Variants in LYPLAL1 observed in about 807,000 individuals in gnomAD.
LYPLAL1 encodes the protein lysophospholipase like 1.
LYPLAL1 carries 23 observed loss-of-function variants against 19.7 expected under a neutral mutation model. That is an observed-to-expected ratio of 1.17 (90% CI 0.84 to 1.65). LYPLAL1 has a LOEUF of 1.65. Among genes scored for constraint, LYPLAL1 ranks in the 40% most tolerant of loss-of-function variants. The pLI, the probability that LYPLAL1 is intolerant of heterozygous loss-of-function variation, is 0.00. For missense variants in LYPLAL1, 355 were observed against 279.4 expected, an observed-to-expected ratio of 1.27 and a Z score of -1.93; for synonymous variants, 119 against 96.3, an observed-to-expected ratio of 1.24 and a Z score of -1.38.
chr1:219,294,845 A>G, the LYPLAL1 span, among the ~76,000 whole-genome samples: 2 of 152,230 alleles, frequency 1.3e-5, no homozygotes, highest in African/African-American at 4.8e-5. Flanking sequence ...TTGAACTGCA[A>G]TGAAGTTGCC....
the LYPLAL1 span, among the ~76,000 whole-genome samples, chr1:219,358,067 T>C: frequency 6.6e-6 from 1 of 152,284 alleles, no homozygotes; most frequent in South Asian, 2.1e-4. Flanking sequence ...TGCGTCATAC[T>C]TTAATGGTGG....
the LYPLAL1 span, among the ~76,000 whole-genome samples, chr1:219,232,311 C>G: frequency 6.6e-6 from 1 of 151,182 alleles, no homozygotes; most frequent in South Asian, 2.1e-4. Context: ...TACATACATA[C>G]ACACAAACAT....
the LYPLAL1 span, among the ~76,000 whole-genome samples, chr1:219,393,439 G>A: frequency 5.3e-5 from 8 of 152,114 alleles, no homozygotes; most frequent in African/African-American, 1.7e-4. Flanking sequence ...CACCCTGGAT[G>A]CCACATAGGC....
chr1:219,421,797 T>C, the LYPLAL1 span, among the ~76,000 whole-genome samples: 3 of 152,174 alleles, frequency 2.0e-5, no homozygotes, highest in South Asian at 6.2e-4. Flanking sequence ...AAGGTAGATT[T>C]AGAGAGTGAC....
chr1:219,211,671 CAT>C lies in LYPLAL1; in HGVS notation c.660_661del (p.Leu221GlufsTer25). On this transcript the variant is annotated frameshift_variant, in exon 5 of 5. Transcript: ENST00000366928. LOFTEE classifies it high-confidence loss of function. ...ATGAGCTAAGCAAAACTGAGTTAGACATATTGAAGTTATGGATTCTTACAAAG... is the reference window on the plus strand; with the variant it reads ...ATGAGCTAAGCAAAACTGAGTTAGACATTGAAGTTATGGATTCTTACAAAG... Reference protein sequence around the residue: ...YHELSKTELDILKLWILTKLP... With the variant: ...YHELSKTELDXLKLWILTKLP... The C allele has an allele frequency of 6.2e-7, 1 of 1,612,876 alleles. No homozygotes were observed. The highest frequency in any genetic ancestry group is 2.2e-5 in the East Asian group (1 of 44,828).
the LYPLAL1 span, among the ~76,000 whole-genome samples, chr1:219,357,385 C>G: frequency 1.3e-5 from 2 of 151,900 alleles, no homozygotes; most frequent in Non-Finnish European, 2.9e-5. Flanking sequence ...AGTAAGAAAA[C>G]AAGGAACATA....
chr1:219,428,760 A>C, the LYPLAL1 span, among the ~76,000 whole-genome samples: 1 of 152,182 alleles, frequency 6.6e-6, no homozygotes, highest in African/African-American at 2.4e-5. Context: ...CGCATTTTTC[A>C]AACAGCATGT....
At chr1:219,371,938 C>T in the LYPLAL1 span, among the ~76,000 whole-genome samples, 1 of 152,178 alleles carries the variant, frequency 6.6e-6, no homozygotes, top group Non-Finnish European at 1.5e-5. Context: ...TCCACTTTCC[C>T]AGGGTCTTCC....
At chr1:219,350,357 G>T in the LYPLAL1 span, among the ~76,000 whole-genome samples, 1 of 152,036 alleles carries the variant, frequency 6.6e-6, no homozygotes, top group African/African-American at 2.4e-5. Context: ...AAGCCACAAT[G>T]CTGGGTTGTA....
the LYPLAL1 span, chr1:219,411,624 C>A: frequency 1.3e-5 from 2 of 152,422 alleles, no homozygotes; most frequent in Admixed American, 6.5e-5. Context: ...GGTCCCCTTC[C>A]CCACTGTGGA....
chr1:219,290,024 C>A, the LYPLAL1 span, among the ~76,000 whole-genome samples: 1 of 152,146 alleles, frequency 6.6e-6, no homozygotes, highest in Admixed American at 6.5e-5. Context: ...TGCAGGTAAG[C>A]AGCAAAATCC....
chr1:219,239,575 T>A, the LYPLAL1 span, among the ~76,000 whole-genome samples: 1 of 152,238 alleles, frequency 6.6e-6, no homozygotes, highest in Non-Finnish European at 1.5e-5. Flanking sequence ...GTGTGTGTTC[T>A]CTTGTGTCAG....
intron 3 of LYPLAL1, among the ~76,000 whole-genome samples, chr1:219,210,136 C>G (rs1658891733): frequency 6.6e-6 from 1 of 152,176 alleles, no homozygotes; most frequent in South Asian, 2.1e-4. Flanking sequence ...CACAGCTTAG[C>G]AAGTAAGACA....
the LYPLAL1 span, among the ~76,000 whole-genome samples, chr1:219,222,090 A>G: frequency 6.6e-6 from 1 of 152,118 alleles, no homozygotes; most frequent in Non-Finnish European, 1.5e-5. Flanking sequence ...AATATTCAAT[A>G]GATGTATGGC....
At chr1:219,399,822 T>C in the LYPLAL1 span, among the ~76,000 whole-genome samples, 1 of 152,148 alleles carries the variant, frequency 6.6e-6, no homozygotes, top group Non-Finnish European at 1.5e-5. Context: ...GGTCCGACAG[T>C]TCTGCTAGGG....
chr1:219,205,569 T>C (rs1330411741), intron 3 of LYPLAL1, among the ~76,000 whole-genome samples: 1 of 152,176 alleles, frequency 6.6e-6, no homozygotes, highest in Non-Finnish European at 1.5e-5. Flanking sequence ...TACAAAATAT[T>C]GTAAAATTTT....
At chr1:219,183,746 A>G (rs1049203779) in intron 2 of LYPLAL1, among the ~76,000 whole-genome samples, 1 of 151,912 alleles carries the variant, frequency 6.6e-6, no homozygotes, top group Admixed American at 6.6e-5. Context: ...GGATTCATCT[A>G]TATGTGTGTA....
the LYPLAL1 span, among the ~76,000 whole-genome samples, chr1:219,245,201 C>CTTCT: frequency 6.7e-6 from 1 of 148,464 alleles, no homozygotes; most frequent in Non-Finnish European, 1.5e-5. Context: ...TCCTTCCTTC[C>CTTCT]TTCCTTCCTT....
intron 3 of LYPLAL1, among the ~76,000 whole-genome samples, chr1:219,205,051 T>C (rs1658441723): frequency 6.6e-6 from 1 of 152,160 alleles, no homozygotes; most frequent in Admixed American, 6.5e-5. Flanking sequence ...AATGATGGCC[T>C]ATTAATAGAA....
Sources: gnomAD v4.1 joint callset for allele counts (sites outside exome capture counted in the v4.1 genomes callset) on GRCh38, gnomAD v4.1.1 for gene constraint, MANE v1.5 for transcripts, NCBI Gene and HGNC (gene_info 2026-07-23, HGNC 2026-07-21) for gene names.